The following ARAP1 variants were observed in gnomAD, a reference collection of about 807,000 sequenced individuals.
ARAP1 encodes the protein arf-GAP with Rho-GAP domain, ANK repeat and PH domain-containing protein 1.
In ARAP1, 76 loss-of-function variants were observed where a neutral mutation model predicts 172.2. The ratio of observed to expected loss-of-function variants is 0.44; its 90% CI spans 0.37 to 0.53. The LOEUF (loss-of-function observed/expected upper bound fraction) is 0.53. Among genes scored for constraint, ARAP1 ranks in the 20% least tolerant of loss-of-function variants. The pLI is 0.00. For missense variants in ARAP1, 1,686 were observed against 1,977.5 expected (o/e 0.85, Z 2.80); for synonymous variants, 804 against 803.3 (o/e 1.00, Z -0.01).
chr11:72,728,897 C>G (rs1857776010), intron 2 of ARAP1, among the ~76,000 whole-genome samples: 1 of 152,064 alleles, frequency 6.6e-6, no homozygotes, highest in South Asian at 2.1e-4. Flanking sequence ...TAAATATGTA[C>G]AGAATTTTTT....
In ARAP1 at chr11:72,699,320, C is replaced by T. The variant is rs931965533; in HGVS notation, c.2438+97G>A. Reference sequence around the variant, plus strand: ...AGCCTCCGTTTGCTGTGTGACTCTGCGGAGGTCCTCCCCTTCTCTGGGTCT... The same window carrying T: ...AGCCTCCGTTTGCTGTGTGACTCTGTGGAGGTCCTCCCCTTCTCTGGGTCT... On this transcript the variant is annotated intron_variant, in intron 17 of 34. Coordinates refer to ENST00000393609, the MANE Select transcript of ARAP1 (RefSeq NM_001040118.3). This position sits in a 1 kb window ranked among gnomAD's most constrained non-coding sequence, Gnocchi z 4.2. The T allele has an allele frequency of 9.0e-6, 14 of 1,559,270 alleles. No individual in the cohort carries two copies. The highest frequency in any genetic ancestry group is 1.8e-4 in the Middle Eastern group (1 of 5,588).
At position 72,728,439 on chromosome 11, in the gene ARAP1, G is replaced by C. The variant is rs112777074; in HGVS notation, c.-44-1267C>G. Among the ~76,000 whole-genome samples the C allele has an allele frequency of 7.0e-3, 1,071 of 152,180 alleles. 6 individuals carry two copies. Among genetic ancestry groups the C allele is most frequent in the Non-Finnish European group, 0.011 (774 of 68,000 alleles). On this transcript the variant is annotated intron_variant, in intron 2 of 34. Transcript: ENST00000393609. ...TTACTAGAATACAAAAAATTAGCCA[G>C]GCATGGTGGCATGCGCCTGTAGTCC...
chr11:72,726,687 G>A lies in ARAP1; in HGVS notation c.442C>T (p.Arg148Trp), dbSNP rs368445988. 131 of 1,547,550 alleles carry A rather than the reference G, an allele frequency of 8.5e-5. No homozygotes were observed. In the African/African-American group the frequency reaches 1.6e-3, roughly 19 times the overall value. The change falls in exon 3 of 35, where the codon CGG becomes TGG. Residue 148 changes from arginine to tryptophan, a missense_variant. Arg to Trp is a moderately radical substitution (Grantham distance 101). This residue lies in a region of ARAP1 where 190 missense variants were observed against 228.6 expected (regional missense o/e 0.83). Transcript: ENST00000393609. The surrounding 1 kb of genome is among the most constrained non-coding windows in gnomAD (Gnocchi z 6.5). ...DPVLPPLPAK[R>W]HLAELSVPPV... ...GGAACGCTCAGCTCTGCCAAATGCC[G>A]CTTAGCAGGCAGCGGGGGCAGCACA...
chr11:72,705,527 T>C, intron 13 of ARAP1: 1 of 413,754 alleles, frequency 2.4e-6, no homozygotes, highest in Non-Finnish European at 4.3e-6. Flanking sequence ...TTTTCGGCTT[T>C]ACAGAACACA....
chr11:72,752,248 T>C (rs1858554001), intron 1 of ARAP1, 80 bp downstream of exon 1: 1 of 152,398 alleles, frequency 6.6e-6, no homozygotes, highest in East Asian at 1.9e-4. Flanking sequence ...GCCTCGGCGT[T>C]CCTTTCTGCA....
Position 72,713,359 on chromosome 11 carries a change from C to T in ARAP1, c.680-116G>A, listed in dbSNP as rs1289044329. On this transcript the variant is annotated intron_variant, in intron 4 of 34. Transcript: ENST00000393609. ...GCCAAGACCCCCATCCCCACCTCCC[C>T]CTGGCTTTCAAAAAAAGGCACAGGG... The T allele has an allele frequency of 4.2e-6, 4 of 944,448 alleles. No individual in the cohort carries two copies. In the East Asian group the frequency reaches 7.6e-5, roughly 18 times the overall value. The allele number at this position is 944,448 out of a possible 1,614,324, so 58.5% of individuals were successfully genotyped here. A position where few individuals can be genotyped will look rare whatever the true frequency, so the allele number is the denominator to read the frequency against.
At chr11:72,745,339 C>T (rs559798291) in intron 1 of ARAP1, among the ~76,000 whole-genome samples, 28 of 150,556 alleles carry the variant, frequency 1.9e-4, no homozygotes, top group African/African-American at 6.3e-4. Context: ...CAGGCGCCTG[C>T]CACCACGTCC....
In ARAP1 at chr11:72,713,258, G is replaced by T. The variant is rs546615614; in HGVS notation, c.680-15C>A. 1 of 1,613,716 alleles carries T rather than the reference G, an allele frequency of 6.2e-7. No individual in the cohort carries two copies. On this transcript the variant is annotated splice_polypyrimidine_tract_variant and intron_variant, in intron 4 of 34. Coordinates refer to ENST00000393609, the MANE Select transcript of ARAP1 (RefSeq NM_001040118.3). ...GTCAGAGTCATCTGGTGAGAGAGGG[G>T]TTGGGGGGCCTCAGGGCAAGGGGCC...
intron 4 of ARAP1, 48 bp downstream of exon 4, chr11:72,714,104 A>G (rs1365538897): frequency 1.4e-6 from 2 of 1,405,054 alleles, no homozygotes; most frequent in Non-Finnish European, 1.8e-6. Context: ...GATTCCAGGG[A>G]TCCCAGGCCA....
chr11:72,695,471 G>GCTCA lies in ARAP1; in HGVS notation c.3508-20_3508-17dup, dbSNP rs1565211377. ...CACCGGCATGCTGCAGGGAGACAGG[G>GCTCA]CTCAGCTGGGGGCCTAGGAAATGGG... On this transcript the variant is annotated splice_polypyrimidine_tract_variant and intron_variant, in intron 25 of 34. Coordinates refer to ENST00000393609, the MANE Select transcript of ARAP1 (RefSeq NM_001040118.3). The surrounding 1 kb of genome is among the most constrained non-coding windows in gnomAD (Gnocchi z 4.4). 1.9e-6 allele frequency: 3 copies of GCTCA among 1,614,234 alleles called. No individual in the cohort carries two copies. In the Admixed American group the frequency reaches 5.0e-5, roughly 27 times the overall value.
rs754003538 is a variant in ARAP1, at chr11:72,686,005, C to T, written c.4335+37G>A. On this transcript the variant is annotated intron_variant, in intron 34 of 34. Coordinates refer to ENST00000393609, the MANE Select transcript of ARAP1 (RefSeq NM_001040118.3). ...TAGAAGGCAGGCACCCAGCCAGGCCCCCAGCCCCCTGCCCAAAGGCATGGA... is the reference window on the plus strand; with the variant it reads ...TAGAAGGCAGGCACCCAGCCAGGCCTCCAGCCCCCTGCCCAAAGGCATGGA... 5.0e-6 allele frequency: 8 copies of T among 1,613,790 alleles called. No individual in the cohort carries two copies. The South Asian group carries it at 8.8e-5, about 18-fold the overall frequency.
At chr11:72,712,370 G>T (rs377091132) in intron 6 of ARAP1, 31 bp from the exon 7 acceptor site, 3 of 1,540,674 alleles carry the variant, frequency 1.9e-6, no homozygotes, top group African/African-American at 1.4e-5. Flanking sequence ...GGGGGGCCGG[G>T]CTGAGGAGGC....
chr11:72,688,764 G>C, intron 30 of ARAP1: 3 of 522,056 alleles, frequency 5.7e-6, no homozygotes, highest in Non-Finnish European at 1.0e-5. Flanking sequence ...AGCAGTATCA[G>C]ACAGTCAACC....
At chr11:72,748,063 T>C (rs1276969110) in intron 1 of ARAP1, among the ~76,000 whole-genome samples, 1 of 152,250 alleles carries the variant, frequency 6.6e-6, no homozygotes, top group Admixed American at 6.5e-5. Context: ...ACTTAACTTC[T>C]TGGGACCTCA....
intron 5 of ARAP1, 108 bp from the exon 6 acceptor site, chr11:72,712,676 A>G: frequency 6.4e-7 from 1 of 1,561,980 alleles, no homozygotes; most frequent in Non-Finnish European, 8.7e-7. Flanking sequence ...CACACAGCCC[A>G]GCACTTTTAG....
At chr11:72,746,246 A>G (rs1458745081) in intron 1 of ARAP1, among the ~76,000 whole-genome samples, 1 of 152,122 alleles carries the variant, frequency 6.6e-6, no homozygotes, top group Non-Finnish European at 1.5e-5. Context: ...CACTGCCAAG[A>G]TAACTGAGTG....
intron 14 of ARAP1, chr11:72,703,415 G>GGGGGGGGGGGGGGGGGGGGGGC (rs71469439): frequency 6.9e-6 from 1 of 145,218 alleles, no homozygotes; most frequent in Non-Finnish European, 1.5e-5. Context: ...AGCCGGGGGG[G>GGGGGGGGGGGGGGGGGGGGGGC]GGGTGTGCTT....
chr11:72,723,684 C>A (rs1431454566), intron 3 of ARAP1, among the ~76,000 whole-genome samples: 2 of 152,198 alleles, frequency 1.3e-5, no homozygotes, highest in Admixed American at 1.3e-4. Context: ...TGCGTGTTTA[C>A]CCACATGCAC....
chr11:72,703,971 G>A, intron 14 of ARAP1, 181 bp downstream of exon 14: 1 of 761,636 alleles, frequency 1.3e-6, no homozygotes, highest in Non-Finnish European at 2.1e-6. Flanking sequence ...GCTCCTCCCT[G>A]CATGGCCAGA....
Sources: gnomAD v4.1 joint callset for allele counts (sites outside exome capture counted in the v4.1 genomes callset) on GRCh38, gnomAD v4.1.1 for gene constraint, gnomAD v4.1.1 regional missense constraint, Gnocchi (gnomAD v3.1) non-coding constraint, MANE v1.5 for transcripts, NCBI Gene and HGNC (gene_info 2026-07-23, HGNC 2026-07-21) for gene names.